Variants in ROBO3 observed in about 807,000 individuals in gnomAD.
ROBO3 encodes roundabout homolog 3.
A neutral mutation model predicts 160.5 loss-of-function variants in ROBO3; 97 were observed. The observed-to-expected ratio is 0.60, with a 90% CI of 0.51 to 0.72. The LOEUF (loss-of-function observed/expected upper bound fraction) is 0.72. ROBO3 is among the 30% of genes least tolerant of loss of function. The pLI is 0.00. For synonymous variants in ROBO3, 780 were observed against 746.2 expected, an observed-to-expected ratio of 1.05 and a Z score of -0.74; for missense variants, 1,858 against 1,846.5, an observed-to-expected ratio of 1.01 and a Z score of -0.11.
At position 124,870,038 on chromosome 11, in the gene ROBO3, G is replaced by A; in HGVS notation, c.736G>A (p.Glu246Lys). Reference sequence around the variant, plus strand: ...AGCCTCCAACATGGCGGGAGAACGGGAGAGTGCGGCAGCTGAAGTCATGGT... The same window carrying A: ...AGCCTCCAACATGGCGGGAGAACGGAAGAGTGCGGCAGCTGAAGTCATGGT... ...CVASNMAGER[E>K]SAAAEVMVLE... Residue 246 changes from glutamate to lysine, a missense_variant, in exon 4 of 28, where the codon GAG becomes AAG. Glu to Lys is a moderately conservative substitution (Grantham distance 56, BLOSUM62 1). Coordinates refer to ENST00000397801, the MANE Select transcript of ROBO3 (RefSeq NM_022370.4). The A allele has an allele frequency of 3.1e-6, 5 of 1,614,074 alleles. No homozygotes were observed. The highest frequency in any genetic ancestry group is 4.2e-6 in the Non-Finnish European group (5 of 1,179,904).
chr11:124,867,236 G>A (rs533410493), intron 1 of ROBO3, among the ~76,000 whole-genome samples: 2 of 152,318 alleles, frequency 1.3e-5, no homozygotes, highest in African/African-American at 4.8e-5. Flanking sequence ...CCAAGATAAG[G>A]TGCATATGCT....
rs749486269 is a variant in ROBO3 at position 124,865,600 on chromosome 11, C to T, written c.23C>T (p.Thr8Met). Reference protein sequence around the residue: MLRYLLKTLLQMNLFADS... With the variant: MLRYLLKMLLQMNLFADS... ...GCCATGCTGCGCTACCTGCTGAAAA[C>T]GCTGCTGCAGATGAACTTGTTCGCG... Residue 8 changes from threonine (T) to methionine (M), a missense_variant, in exon 1 of 28, where the codon ACG becomes ATG. Thr to Met is a moderately conservative substitution (Grantham distance 81). Transcript: ENST00000397801. The surrounding 1 kb of genome is among the most constrained non-coding windows in gnomAD (Gnocchi z 5.5). The T allele has an allele frequency of 6.2e-7, 1 of 1,612,428 alleles. No individual in the cohort carries two copies. Among genetic ancestry groups the T allele is most frequent in the African/African-American group, 1.3e-5 (1 of 74,908 alleles).
chr11:124,876,489 T>G lies in ROBO3; in HGVS notation c.2779+29T>G. On this transcript the variant is annotated intron_variant, in intron 17 of 27. Coordinates refer to ENST00000397801, the MANE Select transcript of ROBO3 (RefSeq NM_022370.4). This position sits in a 1 kb window ranked among gnomAD's most constrained non-coding sequence, Gnocchi z 5.3. ...AGCTCCCGGCCTCGGAGCGGACGGA[T>G]CCGGGAGGGAGCCAGGCGGCCCATG... 1 of 1,356,408 alleles carries G rather than the reference T, an allele frequency of 7.4e-7. No homozygotes were observed. Among genetic ancestry groups the G allele is most frequent in the Non-Finnish European group, 9.4e-7 (1 of 1,059,810 alleles). The allele number at this position is 1,356,408 out of a possible 1,614,324, so 84.0% of individuals were successfully genotyped here.
intron 25 of ROBO3, 72 bp downstream of exon 25, chr11:124,879,647 C>G: frequency 6.6e-7 from 1 of 1,526,380 alleles, no homozygotes. Context: ...AGGGTGCACT[C>G]TGGGGGCTGG....
At position 124,877,527 on chromosome 11, in the gene ROBO3, T is replaced by G; in HGVS notation, c.2855T>G (p.Met952Arg). Residue 952 changes from methionine to arginine, a missense_variant, in exon 20 of 28, where the codon ATG (methionine) becomes AGG (arginine). Transcript: ENST00000397801. ...CACCTGCTCTCCCTCAGGCCACCCATGGGCCTTGGCCCCGCCCCCTACTCA... is the reference window on the plus strand; with the variant it reads ...CACCTGCTCTCCCTCAGGCCACCCAGGGGCCTTGGCCCCGCCCCCTACTCA... ...GLSGASSRPPMGLGPAPYSWL... is the reference protein window; with the variant it reads ...GLSGASSRPPRGLGPAPYSWL... The G allele has an allele frequency of 3.7e-6, 6 of 1,601,400 alleles. No individual in the cohort carries two copies. The highest frequency in any genetic ancestry group is 5.1e-6 in the Non-Finnish European group (6 of 1,174,432).
rs867230969 is a variant in ROBO3, at chr11:124,878,026, G to A, written c.3076G>A (p.Gly1026Arg). 1.2e-6 allele frequency: 2 copies of A among 1,612,440 alleles called. No homozygotes were observed. Among genetic ancestry groups the A allele is most frequent in the Non-Finnish European group, 1.7e-6 (2 of 1,179,324 alleles). Residue 1026 changes from glycine (G) to arginine (R), a missense_variant, in exon 21 of 28, where the codon GGG (glycine) becomes AGG (arginine). Gly to Arg is a moderately radical substitution (Grantham distance 125, BLOSUM62 -2). Coordinates refer to ENST00000397801, the MANE Select transcript of ROBO3 (RefSeq NM_022370.4). The surrounding 1 kb of genome is among the most constrained non-coding windows in gnomAD (Gnocchi z 4.3). The part of the protein sequence containing the change: ...GPVYSTIDPA[G>R]EELQTFHGGF... ...TGTCTATAGCACCATTGACCCAGCGGGGGAGGAGCTGCAGACCTTCCATGG... is the reference window on the plus strand; with the variant it reads ...TGTCTATAGCACCATTGACCCAGCGAGGGAGGAGCTGCAGACCTTCCATGG...
chr11:124,865,463 C>A lies in ROBO3; in HGVS notation c.-115C>A, dbSNP rs1034129751. 2 of 1,084,672 alleles carry A rather than the reference C, an allele frequency of 1.8e-6. No homozygotes were observed. Among genetic ancestry groups the A allele is most frequent in the African/African-American group, 1.6e-5 (1 of 63,268 alleles). 67.2% of individuals were successfully genotyped at this position (1,084,672 alleles called of 1,614,324 possible). On this transcript the variant is annotated 5_prime_UTR_variant, in exon 1 of 28. Coordinates refer to ENST00000397801, the MANE Select transcript of ROBO3 (RefSeq NM_022370.4). The surrounding 1 kb of genome is among the most constrained non-coding windows in gnomAD (Gnocchi z 5.5). ...AGGCGCACCGGCAGGAGAGCGGCAC[C>A]GTGGCTGCCGCAGCGCGCAGAGGCT...
rs576384126 is a variant in ROBO3 at position 124,865,517 on chromosome 11, G to A, written c.-61G>A. 3 of 1,552,494 alleles carry A rather than the reference G, an allele frequency of 1.9e-6. No homozygotes were observed. The South Asian group carries it at 3.5e-5, about 18-fold the overall frequency. ...GAGGGGCTTACGGCTCCCAGCCCAC[G>A]GGTCTCAGACCCAGGGGCTGGGCCC... On this transcript the variant is annotated 5_prime_UTR_variant, in exon 1 of 28. Coordinates refer to ENST00000397801, the MANE Select transcript of ROBO3 (RefSeq NM_022370.4). This position sits in a 1 kb window ranked among gnomAD's most constrained non-coding sequence, Gnocchi z 5.5.
chr11:124,874,991 T>C, intron 13 of ROBO3, 82 bp downstream of exon 13: 1 of 1,533,200 alleles, frequency 6.5e-7, no homozygotes, highest in Non-Finnish European at 8.8e-7. Context: ...TATGGGAGAG[T>C]GGGAGGTGAG....
At position 124,869,703 on chromosome 11, in the gene ROBO3, C is replaced by G; in HGVS notation, c.645+96C>G. 4.3e-6 allele frequency: 6 copies of G among 1,380,602 alleles called. No homozygotes were observed. The highest frequency in any genetic ancestry group is 5.9e-6 in the Non-Finnish European group (6 of 1,022,966). 85.5% of individuals were successfully genotyped at this position (1,380,602 alleles called of 1,614,324 possible). ...AGATTGAGATCAGGGCATTAGCTAA[C>G]CAGAGACTAAGAGTCAGCTATACAG... On this transcript the variant is annotated intron_variant, in intron 3 of 27. Coordinates refer to ENST00000397801, the MANE Select transcript of ROBO3 (RefSeq NM_022370.4). The surrounding 1 kb of genome is among the most constrained non-coding windows in gnomAD (Gnocchi z 4.2).
intron 27 of ROBO3, 102 bp downstream of exon 27, chr11:124,880,710 T>C: frequency 7.0e-7 from 1 of 1,419,154 alleles, no homozygotes; most frequent in Non-Finnish European, 9.2e-7. Context: ...TGTGGAGGAG[T>C]GTCAAAAGGA....
At position 124,876,842 on chromosome 11, in the gene ROBO3, A is replaced by G. The variant is rs2135337290; in HGVS notation, c.2780-319A>G. 3 of 553,882 alleles carry G rather than the reference A, an allele frequency of 5.4e-6. No homozygotes were observed. Among genetic ancestry groups the G allele is most frequent in the Non-Finnish European group, 6.4e-6 (2 of 311,196 alleles). The allele number at this position is 553,882 out of a possible 1,614,324, so 34.3% of individuals were successfully genotyped here. On this transcript the variant is annotated intron_variant, in intron 17 of 27. Transcript: ENST00000397801. This position sits in a 1 kb window ranked among gnomAD's most constrained non-coding sequence, Gnocchi z 5.3. ...CAGTAAATTGTGCGGCGGGGTCTGG[A>G]TGGAAAGGCGGGGCCCGCTGAAAGA...
Position 124,878,846 on chromosome 11 carries a change from T to G in ROBO3, c.3533+50T>G. 62 of 1,380,810 alleles carry G rather than the reference T, an allele frequency of 4.5e-5. No homozygotes were observed. Among genetic ancestry groups the G allele is most frequent in the Non-Finnish European group, 5.9e-5 (58 of 983,494 alleles). 85.5% of individuals were successfully genotyped at this position (1,380,810 alleles called of 1,614,324 possible). A position where few individuals can be genotyped will look rare whatever the true frequency, so the allele number is the denominator to read the frequency against. On this transcript the variant is annotated intron_variant, in intron 23 of 27. Transcript: ENST00000397801. This position sits in a 1 kb window ranked among gnomAD's most constrained non-coding sequence, Gnocchi z 4.3. Reference sequence around the variant, plus strand: ...TCATTGCAAGCCCTCTATACGTATCTACTCAGTAGATGACTGGGTGGGTGG... The same window carrying G: ...TCATTGCAAGCCCTCTATACGTATCGACTCAGTAGATGACTGGGTGGGTGG...
Position 124,876,609 on chromosome 11 carries a change from C to T in ROBO3, c.2779+149C>T. 1 of 619,300 alleles carries T rather than the reference C, an allele frequency of 1.6e-6. No individual in the cohort carries two copies. The highest frequency in any genetic ancestry group is 4.1e-5 in the South Asian group (1 of 24,268). The allele number at this position is 619,300 out of a possible 1,614,324, so 38.4% of individuals were successfully genotyped here. ...CAGCCTCTTGGGTAGGGGCGGGATA[C>T]GTGGGGCGACTCGAGGAGCTGCCAG... On this transcript the variant is annotated intron_variant, in intron 17 of 27. Coordinates refer to ENST00000397801, the MANE Select transcript of ROBO3 (RefSeq NM_022370.4). This position sits in a 1 kb window ranked among gnomAD's most constrained non-coding sequence, Gnocchi z 5.3.
Position 124,869,435 on chromosome 11 carries a change from C to CT in ROBO3, c.488-15_488-14insT, listed in dbSNP as rs1565309075. On this transcript the variant is annotated splice_polypyrimidine_tract_variant and intron_variant, in intron 2 of 27. Coordinates refer to ENST00000397801, the MANE Select transcript of ROBO3 (RefSeq NM_022370.4). The surrounding 1 kb of genome is among the most constrained non-coding windows in gnomAD (Gnocchi z 4.2). ...TCTACACCCTGCTTATTTCGCCCCCCACCGCCCCGCCCAGTCCTCCGTGAT... is the reference window on the plus strand; with the variant it reads ...TCTACACCCTGCTTATTTCGCCCCCCTACCGCCCCGCCCAGTCCTCCGTGAT... 3.6e-6 allele frequency: 5 copies of CT among 1,395,498 alleles called. No homozygotes were observed. The highest frequency in any genetic ancestry group is 1.5e-5 in the African/African-American group (1 of 65,640). 86.4% of individuals were successfully genotyped at this position (1,395,498 alleles called of 1,614,324 possible). A position where few individuals can be genotyped will look rare whatever the true frequency, so the allele number is the denominator to read the frequency against.
In ROBO3 at chr11:124,870,363, T is replaced by C. The variant is rs77334838; in HGVS notation, c.905+60T>C. On this transcript the variant is annotated intron_variant, in intron 5 of 27. Transcript: ENST00000397801. ...ACCTGATCAAGAGACTATTCTGCCC[T>C]AGAAAACCGGAAGACAGGCACATTC... 6.6e-4 allele frequency: 1,030 copies of C among 1,562,184 alleles called. 11 individuals are homozygous for C. The African/African-American group carries it at 0.012, about 19-fold the overall frequency.
In ROBO3 at chr11:124,870,119, G is replaced by T. The variant is rs114517375; in HGVS notation, c.767-46G>T. 1,098 of 1,614,016 alleles carry T rather than the reference G, an allele frequency of 6.8e-4. 12 individuals carry two copies. The African/African-American group carries it at 0.013, about 20-fold the overall frequency. On this transcript the variant is annotated intron_variant, in intron 4 of 27. Coordinates refer to ENST00000397801, the MANE Select transcript of ROBO3 (RefSeq NM_022370.4). ...TGGGAACAGGTAGCCTGCAGAGTAA[G>T]TAGCCGTGCAGACACCCTGACTGTT...
At chr11:124,880,040 C>T in intron 26 of ROBO3, 92 bp downstream of exon 26, 3 of 1,256,618 alleles carry the variant, frequency 2.4e-6, no homozygotes, top group Non-Finnish European at 3.2e-6. Context: ...CTCAGCCCTC[C>T]CTTTAGTTAG....
At chr11:124,870,775 G>A (rs1565310226) in intron 6 of ROBO3, 47 bp downstream of exon 6, 2 of 1,596,358 alleles carry the variant, frequency 1.3e-6, no homozygotes, top group East Asian at 2.3e-5. Context: ...GGTAGGAGGG[G>A]AGAAGGAGGA....
Sources: gnomAD v4.1 joint callset for allele counts (sites outside exome capture counted in the v4.1 genomes callset) on GRCh38, gnomAD v4.1.1 for gene constraint, Gnocchi (gnomAD v3.1) non-coding constraint, MANE v1.5 for transcripts, NCBI Gene and HGNC (gene_info 2026-07-23, HGNC 2026-07-21) for gene names.